Variants in MARK1 observed in about 807,000 individuals in gnomAD.
MARK1 encodes serine/threonine-protein kinase MARK1.
A neutral mutation model predicts 96.3 loss-of-function variants in MARK1; 40 were observed. That is an observed-to-expected ratio of 0.42 (90% CI 0.32 to 0.54). The LOEUF is 0.54. Among genes scored for constraint, MARK1 ranks in the 20% least tolerant of loss-of-function variants. The pLI is 0.16. For synonymous variants in MARK1, 317 were observed against 341.2 expected (o/e 0.93, Z 0.78); for missense variants, 719 against 984.6 (o/e 0.73, Z 3.61).
chr1:220,596,751 A>G (rs560987826), intron 3 of MARK1, among the ~76,000 whole-genome samples: 2 of 152,272 alleles, frequency 1.3e-5, no homozygotes, highest in African/African-American at 2.4e-5. Flanking sequence ...TAAGTATACA[A>G]TTCAGTGGCA....
At chr1:220,530,142 A>G (rs888354577) in intron 1 of MARK1, among the ~76,000 whole-genome samples, 10 of 152,230 alleles carry the variant, frequency 6.6e-5, no homozygotes, top group African/African-American at 2.2e-4. Context: ...ATACAAAGAG[A>G]GAAGAAATTC....
At chr1:220,537,983 A>G (rs1343066773) in intron 1 of MARK1, among the ~76,000 whole-genome samples, 1 of 152,128 alleles carries the variant, frequency 6.6e-6, no homozygotes, top group East Asian at 1.9e-4. Context: ...GATTCTGGAT[A>G]TTAGCCTTTT....
intron 1 of MARK1, among the ~76,000 whole-genome samples, chr1:220,569,606 G>A (rs1360300544): frequency 6.6e-6 from 1 of 151,986 alleles, no homozygotes; most frequent in Non-Finnish European, 1.5e-5. Context: ...CACTCCTAGA[G>A]ATTCAGCTTT....
chr1:220,580,880 C>G (rs567510020), intron 2 of MARK1, among the ~76,000 whole-genome samples, 185 bp from the exon 3 acceptor site: 3 of 152,254 alleles, frequency 2.0e-5, no homozygotes, highest in Admixed American at 2.0e-4. Flanking sequence ...AGATTAAAGA[C>G]TTGGGTCAAT....
chr1:220,547,394 T>A (rs1661574565), intron 1 of MARK1, among the ~76,000 whole-genome samples: 1 of 152,198 alleles, frequency 6.6e-6, no homozygotes, highest in Non-Finnish European at 1.5e-5. Flanking sequence ...GGTTGGTTGA[T>A]CACTTCCACC....
intron 13 of MARK1, among the ~76,000 whole-genome samples, chr1:220,644,456 C>A (rs1022052690): frequency 2.8e-5 from 4 of 144,714 alleles, no homozygotes; most frequent in African/African-American, 1.0e-4. Flanking sequence ...TAGACCCCCC[C>A]CCCCCCACAC....
chr1:220,637,583 G>T (rs1031077455), intron 13 of MARK1, among the ~76,000 whole-genome samples: 1 of 152,114 alleles, frequency 6.6e-6, no homozygotes, highest in Admixed American at 6.5e-5. Flanking sequence ...GGAGGCTGAG[G>T]CAGGAGAATC....
chr1:220,608,471 G>T (rs183513070), intron 6 of MARK1, among the ~76,000 whole-genome samples: 3 of 152,016 alleles, frequency 2.0e-5, no homozygotes, highest in Admixed American at 6.5e-5. Flanking sequence ...CTTGCTACTG[G>T]TCTATCAATT....
chr1:220,599,291 A>T (rs1391612278), intron 4 of MARK1, among the ~76,000 whole-genome samples: 2 of 152,074 alleles, frequency 1.3e-5, no homozygotes, highest in Non-Finnish European at 2.9e-5. Context: ...TAAAAATCTT[A>T]TCTGTATATA....
intron 6 of MARK1, among the ~76,000 whole-genome samples, chr1:220,608,505 G>T (rs991772819): frequency 2.4e-4 from 36 of 152,066 alleles, no homozygotes; most frequent in Admixed American, 2.4e-3. Flanking sequence ...CAAAAAACCA[G>T]CTCCTGGATT....
chr1:220,555,040 G>A (rs1572070737), intron 1 of MARK1, among the ~76,000 whole-genome samples: 1 of 152,290 alleles, frequency 6.6e-6, no homozygotes, highest in South Asian at 2.1e-4. Flanking sequence ...CAGATGCTGA[G>A]TACATGTCTT....
At chr1:220,641,510 T>A (rs1032813731) in intron 13 of MARK1, among the ~76,000 whole-genome samples, 2 of 152,178 alleles carry the variant, frequency 1.3e-5, no homozygotes, top group African/African-American at 4.8e-5. Context: ...TTCTGTTGTT[T>A]ATAAGCCAGC....
At chr1:220,627,834 G>A (rs186487715) in intron 9 of MARK1, 54 of 153,428 alleles carry the variant, frequency 3.5e-4, no homozygotes, top group Non-Finnish European at 6.2e-4. Context: ...AGGGTCTCCC[G>A]TTCTTTTCAG....
chr1:220,596,333 T>A (rs1174390718), intron 3 of MARK1, among the ~76,000 whole-genome samples: 1 of 152,166 alleles, frequency 6.6e-6, no homozygotes, highest in Admixed American at 6.5e-5. Context: ...TGATCTCAAG[T>A]GTACTGAAGA....
chr1:220,535,553 T>A (rs114764865), intron 1 of MARK1, among the ~76,000 whole-genome samples: 2,067 of 152,266 alleles, frequency 0.014, 47 homozygotes, highest in African/African-American at 0.046. Flanking sequence ...TTTTGTTGGC[T>A]GTGCTTTTGA....
intron 6 of MARK1, among the ~76,000 whole-genome samples, chr1:220,614,939 C>A (rs1013086755): frequency 2.6e-5 from 4 of 152,072 alleles, no homozygotes; most frequent in Admixed American, 2.6e-4. Flanking sequence ...TCATACTTCA[C>A]ATCACCTTTA....
At chr1:220,569,082 G>A (rs539158379) in intron 1 of MARK1, among the ~76,000 whole-genome samples, 5 of 152,084 alleles carry the variant, frequency 3.3e-5, no homozygotes, top group Middle Eastern at 3.4e-3. Flanking sequence ...AACTCTAATC[G>A]TTGTAATCTG....
At chr1:220,595,031 C>T (rs1665238993) in intron 3 of MARK1, among the ~76,000 whole-genome samples, 3 of 152,050 alleles carry the variant, frequency 2.0e-5, no homozygotes, top group Non-Finnish European at 4.4e-5. Context: ...TGTGTAGCTC[C>T]ATCGATTATA....
chr1:220,625,862 T>C, intron 9 of MARK1: 1 of 470,640 alleles, frequency 2.1e-6, no homozygotes, highest in Non-Finnish European at 4.3e-6. Context: ...CACAATTTGC[T>C]GCCCAGCTAT....
Sources: gnomAD v4.1 joint callset for allele counts (sites outside exome capture counted in the v4.1 genomes callset) on GRCh38, gnomAD v4.1.1 for gene constraint, MANE v1.5 for transcripts, NCBI Gene and HGNC (gene_info 2026-07-23, HGNC 2026-07-21) for gene names.